Variants in TTC13 observed in about 807,000 individuals in gnomAD.
TTC13 encodes the protein tetratricopeptide repeat protein 13.
A neutral mutation model predicts 120.0 loss-of-function variants in TTC13; 62 were observed. The ratio of observed to expected loss-of-function variants is 0.52; its 90% CI spans 0.42 to 0.64. The LOEUF is 0.64. Among genes scored for constraint, TTC13 ranks in the 30% least tolerant of loss-of-function variants. The pLI is 0.00. For synonymous variants in TTC13, 384 were observed against 393.5 expected (o/e 0.98, Z 0.28); for missense variants, 824 against 1,050.2 (o/e 0.78, Z 2.98).
intron 1 of TTC13, among the ~76,000 whole-genome samples, chr1:230,972,072 GA>G (rs1677812777): frequency 6.6e-6 from 1 of 152,194 alleles, no homozygotes; most frequent in Admixed American, 6.5e-5. Flanking sequence ...AGTTGCAAGA[GA>G]AGACAACTGG....
At chr1:230,950,146 T>C (rs1675434395) in intron 4 of TTC13, among the ~76,000 whole-genome samples, 3 of 152,134 alleles carry the variant, frequency 2.0e-5, no homozygotes, top group Admixed American at 6.5e-5. Flanking sequence ...CTTTATGGAA[T>C]GCCATAGTAA....
chr1:230,946,277 G>A (rs1674988525), intron 4 of TTC13, among the ~76,000 whole-genome samples: 1 of 152,160 alleles, frequency 6.6e-6, no homozygotes, highest in Admixed American at 6.5e-5. Flanking sequence ...GCACTGCTAA[G>A]GGATTTAATA....
At chr1:230,948,322 T>C (rs1022951145) in intron 4 of TTC13, among the ~76,000 whole-genome samples, 1 of 88,196 alleles carries the variant, frequency 1.1e-5, no homozygotes, top group African/African-American at 4.1e-5. Context: ...GTCCAGCATA[T>C]TTCACTTAAA....
At chr1:230,949,891 C>T (rs924940982) in intron 4 of TTC13, among the ~76,000 whole-genome samples, 10 of 152,252 alleles carry the variant, frequency 6.6e-5, no homozygotes, top group East Asian at 5.8e-4. Context: ...CCTCGTGATC[C>T]GCCCGCCTTG....
chr1:230,955,480 G>A (rs567593656), intron 3 of TTC13, among the ~76,000 whole-genome samples: 27 of 150,946 alleles, frequency 1.8e-4, no homozygotes, highest in African/African-American at 6.4e-4. Context: ...TGGCTAACAC[G>A]GTGAAACCCC....
chr1:230,959,252 A>C (rs1676396237), intron 2 of TTC13, among the ~76,000 whole-genome samples: 1 of 152,202 alleles, frequency 6.6e-6, no homozygotes, highest in African/African-American at 2.4e-5. Flanking sequence ...CGAGGACAGA[A>C]ATGAAATTCT....
At chr1:230,909,542 A>G (rs9431889) in intron 20 of TTC13, among the ~76,000 whole-genome samples, 135,706 of 152,304 alleles carry the variant, frequency 0.89, 60,498 homozygotes, top group East Asian at 0.98. Flanking sequence ...TGAGGCAGAA[A>G]AATTGCTTGA....
In TTC13 at chr1:230,945,371, T is replaced by C; in HGVS notation, c.579+18A>G. ...GGTCATGTAGGCGCTATGGCAATCG[T>C]AACTATTACATACTCACATGTAGTC... On this transcript the variant is annotated intron_variant, in intron 5 of 22. Transcript: ENST00000366661. 1 of 1,612,068 alleles carries C rather than the reference T, an allele frequency of 6.2e-7. No individual in the cohort carries two copies. Among genetic ancestry groups the C allele is most frequent in the East Asian group, 2.2e-5 (1 of 44,876 alleles).
Position 230,944,220 on chromosome 1 carries a change from T to C in TTC13, c.580-322A>G, listed in dbSNP as rs1024986180. ...GAATCTCAATGGATGAGTATGTGGA[T>C]ACCAGCACATGAAATGAGGCTGACC... On this transcript the variant is annotated intron_variant, in intron 5 of 22. Coordinates refer to ENST00000366661, the MANE Select transcript of TTC13 (RefSeq NM_024525.5). This position sits in a 1 kb window ranked among gnomAD's most constrained non-coding sequence, Gnocchi z 4.0. 6.6e-6 allele frequency among the ~76,000 whole-genome samples: 1 copy of C among 152,282 alleles called. No homozygotes were observed. Among genetic ancestry groups the C allele is most frequent in the East Asian group, 1.9e-4 (1 of 5,186 alleles).
intron 11 of TTC13, among the ~76,000 whole-genome samples, chr1:230,930,592 GAATGACAAGTC>G (rs1673449687): frequency 6.6e-6 from 1 of 152,160 alleles, no homozygotes; most frequent in Non-Finnish European, 1.5e-5. Flanking sequence ...TGATATGAAG[GAATGACAAGTC>G]AAAGATACCA....
At chr1:230,949,856 A>T (rs575832238) in intron 4 of TTC13, among the ~76,000 whole-genome samples, 16 of 152,156 alleles carry the variant, frequency 1.1e-4, no homozygotes, top group Admixed American at 8.5e-4. Flanking sequence ...TCACCATGTT[A>T]GCCAGGATAG....
At chr1:230,947,357 T>A (rs2102904335) in intron 4 of TTC13, among the ~76,000 whole-genome samples, 1 of 152,226 alleles carries the variant, frequency 6.6e-6, no homozygotes, top group South Asian at 2.1e-4. Context: ...GGCGTCATGC[T>A]TTTCTGTAGC....
At chr1:230,971,198 T>G (rs1347170435) in intron 1 of TTC13, among the ~76,000 whole-genome samples, 2 of 151,628 alleles carry the variant, frequency 1.3e-5, no homozygotes, top group Non-Finnish European at 2.9e-5. Flanking sequence ...ACAAAAAAAT[T>G]AGCCGGGCGT....
intron 20 of TTC13, among the ~76,000 whole-genome samples, chr1:230,910,261 G>C (rs1671369735): frequency 6.6e-6 from 1 of 152,192 alleles, no homozygotes; most frequent in Non-Finnish European, 1.5e-5. Context: ...AAGGGGCAGA[G>C]AAGGCAGGGA....
intron 4 of TTC13, among the ~76,000 whole-genome samples, chr1:230,946,347 T>C (rs1674997069): frequency 1.3e-5 from 2 of 152,206 alleles, no homozygotes; most frequent in Admixed American, 1.3e-4. Flanking sequence ...TAATCTACTG[T>C]TCAGTTTCAA....
rs137956454 is a variant in TTC13 at position 230,906,924 on chromosome 1, C to T, written c.2564G>A (p.Arg855His). 1.9e-5 allele frequency: 29 copies of T among 1,510,018 alleles called. No homozygotes were observed. The highest frequency in any genetic ancestry group is 1.9e-4 in the African/African-American group (13 of 68,532). The allele number at this position is 1,510,018 out of a possible 1,614,324, so 93.5% of individuals were successfully genotyped here. Reference sequence around the variant, plus strand: ...GCAGAACTAGAGTTTCTTAAGACAACGTGGAGAAGAGTCTGTGTTTAGCAC... The same window carrying T: ...GCAGAACTAGAGTTTCTTAAGACAATGTGGAGAAGAGTCTGTGTTTAGCAC... Reference protein sequence around the residue: ...IEVLNTDSSPRCLKKL With the variant: ...IEVLNTDSSPHCLKKL Residue 855 changes from arginine (R) to histidine (H), a missense_variant, in exon 23 of 23, where the codon CGT (arginine) becomes CAT (histidine). This residue lies in a region of TTC13 where 226 missense variants were observed against 259.1 expected (regional missense o/e 0.87). Transcript: ENST00000366661.
intron 8 of TTC13, among the ~76,000 whole-genome samples, chr1:230,937,209 C>G (rs1674146850): frequency 6.6e-6 from 1 of 152,178 alleles, no homozygotes; most frequent in Non-Finnish European, 1.5e-5. Context: ...TTTCTCTTTT[C>G]TGAAAAATTC....
At chr1:230,960,215 A>C (rs1348006456) in intron 2 of TTC13, among the ~76,000 whole-genome samples, 3 of 152,266 alleles carry the variant, frequency 2.0e-5, no homozygotes, top group Non-Finnish European at 2.9e-5. Flanking sequence ...TGGGAAGAGG[A>C]AAGGCCAAGA....
At chr1:230,975,095 C>T (rs1678137859) in intron 1 of TTC13, among the ~76,000 whole-genome samples, 1 of 152,074 alleles carries the variant, frequency 6.6e-6, no homozygotes, top group Non-Finnish European at 1.5e-5. Flanking sequence ...ACAGCATTGG[C>T]CAGGCACGGT....
Sources: gnomAD v4.1 joint callset for allele counts (sites outside exome capture counted in the v4.1 genomes callset) on GRCh38, gnomAD v4.1.1 for gene constraint, gnomAD v4.1.1 regional missense constraint, Gnocchi (gnomAD v3.1) non-coding constraint, MANE v1.5 for transcripts, NCBI Gene and HGNC (gene_info 2026-07-23, HGNC 2026-07-21) for gene names.